Variants in AVIL observed in about 807,000 individuals in gnomAD.
AVIL encodes the protein advillin.
Under a neutral mutation model 109.9 loss-of-function variants are expected in AVIL, and 78 were observed. The observed-to-expected ratio is 0.71, with a 90% CI of 0.59 to 0.86. The LOEUF (loss-of-function observed/expected upper bound fraction) is 0.86, where lower values mean the gene tolerates loss of function less well. AVIL is among the 40% of genes least tolerant of loss of function. The probability of loss-of-function intolerance (pLI) is 0.00; values close to 1 mark genes in which losing one functional copy is unlikely to be tolerated. For missense variants in AVIL, 892 were observed against 1,016.5 expected, an observed-to-expected ratio of 0.88 and a Z score of 1.67; for synonymous variants, 367 against 379.1, an observed-to-expected ratio of 0.97 and a Z score of 0.37.
At chr12:57,810,689 C>A in intron 6 of AVIL, 127 bp downstream of exon 6, 1 of 1,374,134 alleles carries the variant, frequency 7.3e-7, no homozygotes, top group South Asian at 1.3e-5. Context: ...CAAACTCACA[C>A]ACTTGGCCTG....
intron 19 of AVIL, 115 bp downstream of exon 19, chr12:57,799,680 G>A (rs1384728329): frequency 4.2e-6 from 6 of 1,439,090 alleles, no homozygotes; most frequent in Non-Finnish European, 5.6e-6. Flanking sequence ...AGGTAGCTCA[G>A]ATGTCCATTG....
rs1956124937 is a variant in AVIL, at chr12:57,818,617, C to T, written c.-20+12G>A. 6.6e-6 allele frequency: 1 copy of T among 152,196 alleles called. No individual in the cohort carries two copies. The highest frequency in any genetic ancestry group is 2.1e-4 in the South Asian group (1 of 4,828). The allele number at this position is 152,196 out of a possible 1,614,324, so 9.4% of individuals were successfully genotyped here. On this transcript the variant is annotated intron_variant, in intron 1 of 19. Coordinates refer to ENST00000549994, the MANE Select transcript of AVIL (RefSeq NM_006576.4). ...GATTAACTGGCATGCCCCCGTAAAT[C>T]AGAGACCTTACCTTGCCTTCTCGCT... is the stretch of plus-strand genomic sequence containing the variant.
rs748699547 is a variant in AVIL, at chr12:57,802,109, G to T, written c.2151+51C>A. On this transcript the variant is annotated intron_variant, in intron 17 of 19. Transcript: ENST00000549994. ...ACTCCACCTTCCTGCCCACTGAGCT[G>T]TTCTGAGCTACCTGGCAGGAAGTTA... is the stretch of plus-strand genomic sequence containing the variant. 3.1e-6 allele frequency: 5 copies of T among 1,594,586 alleles called. 1 individual carries two copies. The South Asian group carries it at 5.6e-5, about 18-fold the overall frequency.
chr12:57,798,080 G>T, intron 19 of AVIL, 85 bp from the exon 20 acceptor site: 1 of 863,888 alleles, frequency 1.2e-6, no homozygotes. Flanking sequence ...GCAAGAGGGA[G>T]TTCTAGGTGG....
intron 14 of AVIL, chr12:57,803,977 T>C: frequency 3.9e-6 from 1 of 259,136 alleles, no homozygotes; most frequent in Non-Finnish European, 7.3e-6. Context: ...TTTAAATTTA[T>C]TTTTAAAAGT....
chr12:57,801,026 G>T, intron 18 of AVIL, 118 bp downstream of exon 18: 1 of 760,842 alleles, frequency 1.3e-6, no homozygotes, highest in Non-Finnish European at 2.1e-6. Flanking sequence ...CATCAAAACA[G>T]ACAACTATGG....
rs10783848 is a variant in AVIL, at chr12:57,802,745, G to A, written c.1963-397C>T. 0.35 allele frequency: 207,279 copies of A among 587,428 alleles called. 41,170 individuals are homozygous for A. The highest frequency in any genetic ancestry group is 0.71 in the East Asian group (25,197 of 35,646). The allele number at this position is 587,428 out of a possible 1,614,324, so 36.4% of individuals were successfully genotyped here. A position where few individuals can be genotyped will look rare whatever the true frequency, so the allele number is the denominator to read the frequency against. ...ATCTATCTAGTCACCTAAGGCAGAA[G>A]CCTGAGAGTTTCCTAGAAACCCCCC... On this transcript the variant is annotated intron_variant, in intron 16 of 19. Coordinates refer to ENST00000549994, the MANE Select transcript of AVIL (RefSeq NM_006576.4).
At position 57,806,281 on chromosome 12, in the gene AVIL, TTGACCTTGC is replaced by T. The variant is rs1955944187; in HGVS notation, c.1671+70_1671+78del. On this transcript the variant is annotated intron_variant, in intron 14 of 19. Coordinates refer to ENST00000549994, the MANE Select transcript of AVIL (RefSeq NM_006576.4). ...AGCACTCCAGCCTACTCTAGGTCCT[TTGACCTTGC>T]TGACAGGAGGAGGGGAGTGCAGGTC... The T allele has an allele frequency of 2.6e-6, 4 of 1,535,810 alleles. No homozygotes were observed. The Admixed American group carries it at 5.0e-5, about 19-fold the overall frequency.
rs566392370 is a variant in AVIL at position 57,802,449 on chromosome 12, A to G, written c.1963-101T>C. ...ATCTTTCCCCTTTCTTTCGTGAGCA[A>G]TTCACAGCCTCAGAAAACTTTCTCA... On this transcript the variant is annotated intron_variant, in intron 16 of 19. Coordinates refer to ENST00000549994, the MANE Select transcript of AVIL (RefSeq NM_006576.4). The G allele has an allele frequency of 7.9e-5, 109 of 1,373,172 alleles. 1 individual carries two copies. Among genetic ancestry groups the G allele is most frequent in the Non-Finnish European group, 1.0e-4 (103 of 995,342 alleles). The allele number at this position is 1,373,172 out of a possible 1,614,324, so 85.1% of individuals were successfully genotyped here.
Position 57,799,907 on chromosome 12 carries a change from G to T in AVIL, c.2234C>A (p.Ala745Glu). 1 of 1,614,162 alleles carries T rather than the reference G, an allele frequency of 6.2e-7. No homozygotes were observed. Among genetic ancestry groups the T allele is most frequent in the South Asian group, 1.1e-5 (1 of 91,082 alleles). ...GTCATTAGAATTCAGGGAGAGGGTTGCATTCTTCATGTCCTAGGTAAGATA... is the reference window on the plus strand; with the variant it reads ...GTCATTAGAATTCAGGGAGAGGGTTTCATTCTTCATGTCCTAGGTAAGATA... ...IMRITADMKN[A>E]TLSLNSNDSE... is the part of the protein sequence containing the mutation. Residue 745 changes from alanine to glutamate, a missense_variant, in exon 19 of 20, where the codon GCA becomes GAA. Physicochemically the swap from Ala to Glu is moderately radical, Grantham distance 107. Transcript: ENST00000549994.
At chr12:57,800,363 A>G (rs781263134) in intron 18 of AVIL, 1 of 157,708 alleles carries the variant, frequency 6.3e-6, no homozygotes, top group African/African-American at 2.4e-5. Flanking sequence ...CAGAATTGCC[A>G]GATGGTTTGA....
At position 57,809,853 on chromosome 12, in the gene AVIL, C is replaced by G. The variant is rs771011672; in HGVS notation, c.799G>C (p.Val267Leu). 6.2e-7 allele frequency: 1 copy of G among 1,614,208 alleles called. No homozygotes were observed. Among genetic ancestry groups the G allele is most frequent in the Non-Finnish European group, 8.5e-7 (1 of 1,180,040 alleles). The change falls in exon 8 of 20, where the codon GTA becomes CTA. Residue 267 changes from valine to leucine, a missense_variant. By Grantham distance (32) the Val-to-Leu change is conservative. Transcript: ENST00000549994. ...TCCTGGACCAGAGGCCTTGTTGCTA[C>G]CTCTGTGACTGCCAGCTGCCCAGCT... The part of the protein sequence containing the change: ...DSAGQLAVTE[V>L]ATRPLVQDLL...
At chr12:57,812,430 C>T (rs1448881110) in intron 4 of AVIL, among the ~76,000 whole-genome samples, 2 of 152,120 alleles carry the variant, frequency 1.3e-5, no homozygotes, top group Admixed American at 6.6e-5. Flanking sequence ...GGCATGATCT[C>T]AGCTCAGTGC....
intron 8 of AVIL, 23 bp from the exon 9 acceptor site, chr12:57,809,718 T>C: frequency 6.2e-7 from 1 of 1,614,068 alleles, no homozygotes. Context: ...GAGATAGGTA[T>C]GGTTGCTCAA....
chr12:57,814,049 AT>A, intron 3 of AVIL, 102 bp downstream of exon 3: 1 of 1,241,078 alleles, frequency 8.1e-7, no homozygotes, highest in Non-Finnish European at 1.1e-6. Context: ...ATTGAGACCG[AT>A]ACCAGGGACT....
At chr12:57,812,053 C>T (rs1956044987) in intron 4 of AVIL, among the ~76,000 whole-genome samples, 1 of 152,056 alleles carries the variant, frequency 6.6e-6, no homozygotes, top group Non-Finnish European at 1.5e-5. Flanking sequence ...TTCAATAGTG[C>T]AATCATGGCT....
chr12:57,806,603 C>G, intron 13 of AVIL, 64 bp from the exon 14 acceptor site: 1 of 1,562,552 alleles, frequency 6.4e-7, no homozygotes, highest in Non-Finnish European at 8.8e-7. Context: ...GCTAGAGGAG[C>G]TGTTGTGGGA....
intron 4 of AVIL, among the ~76,000 whole-genome samples, chr12:57,812,018 T>C (rs559040237): frequency 5.9e-5 from 9 of 152,094 alleles, no homozygotes; most frequent in African/African-American, 2.2e-4. Context: ...AAAGACAGGG[T>C]CTCACTCTGT....
intron 14 of AVIL, chr12:57,805,833 C>CTTTTTTT (rs1212916686): frequency 1.0e-5 from 1 of 99,938 alleles, no homozygotes; most frequent in African/African-American, 4.1e-5. Context: ...CTGTGCCTGG[C>CTTTTTTT]TTTTTTTTTT....
Sources: gnomAD v4.1 joint callset for allele counts (sites outside exome capture counted in the v4.1 genomes callset) on GRCh38, gnomAD v4.1.1 for gene constraint, MANE v1.5 for transcripts, NCBI Gene and HGNC (gene_info 2026-07-23, HGNC 2026-07-21) for gene names.